The following LDB3 variants were observed in gnomAD, a reference collection of about 807,000 sequenced individuals.
LDB3 encodes LIM domain binding 3, also known as LIM domain-binding protein 3.
Under a neutral mutation model 69.0 loss-of-function variants are expected in LDB3, and 49 were observed. That is an observed-to-expected ratio of 0.71 (90% CI 0.56 to 0.90). The LOEUF (loss-of-function observed/expected upper bound fraction) is 0.90, where lower values mean the gene tolerates loss of function less well. Ranked by LOEUF, LDB3 falls within the 40% of genes least tolerant of loss-of-function variation. The pLI, the probability that LDB3 is intolerant of heterozygous loss-of-function variation, is 0.00. For missense variants in LDB3, 928 were observed against 974.1 expected (o/e 0.95, Z 0.63); for synonymous variants, 387 against 396.2 (o/e 0.98, Z 0.28).
intron 13 of LDB3, among the ~76,000 whole-genome samples, chr10:86,728,810 G>C (rs1847360070): frequency 6.6e-6 from 1 of 151,904 alleles, no homozygotes; most frequent in Non-Finnish European, 1.5e-5. Flanking sequence ...TTGAACTCCT[G>C]ACCTCATGAG....
intron 8 of LDB3, among the ~76,000 whole-genome samples, chr10:86,708,352 G>A (rs553770533): frequency 1.3e-5 from 2 of 152,312 alleles, no homozygotes; most frequent in East Asian, 3.9e-4. Context: ...GCGGGAGGTG[G>A]GGGAGCCCAT....
At chr10:86,694,013 G>T (rs1046789397) in intron 7 of LDB3, among the ~76,000 whole-genome samples, 3 of 152,174 alleles carry the variant, frequency 2.0e-5, no homozygotes, top group African/African-American at 7.2e-5. Flanking sequence ...TGCCTTCCTG[G>T]CTCCCTTCTG....
At chr10:86,713,524 C>T (rs1316112783) in intron 9 of LDB3, among the ~76,000 whole-genome samples, 4 of 152,126 alleles carry the variant, frequency 2.6e-5, no homozygotes, top group Non-Finnish European at 5.9e-5. Context: ...GGATTACAGG[C>T]GTGAGCCACC....
chr10:86,683,938 G>A (rs1354478675), intron 5 of LDB3, among the ~76,000 whole-genome samples: 2 of 152,334 alleles, frequency 1.3e-5, no homozygotes, highest in South Asian at 4.1e-4. Context: ...TAGGAAACAG[G>A]CTGGGACGGG....
chr10:86,710,641 A>G (rs779026819), intron 9 of LDB3, among the ~76,000 whole-genome samples: 2 of 152,242 alleles, frequency 1.3e-5, no homozygotes, highest in Non-Finnish European at 2.9e-5. Flanking sequence ...AGAACAGCAC[A>G]TAAGGAGCCT....
At chr10:86,671,878 C>T (rs767587613) in intron 2 of LDB3, among the ~76,000 whole-genome samples, 4 of 152,124 alleles carry the variant, frequency 2.6e-5, no homozygotes, top group South Asian at 4.1e-4. Context: ...TTTGGGAGGC[C>T]GAGGGGGCAG....
At chr10:86,721,487 A>C (rs1847084776) in intron 12 of LDB3, among the ~76,000 whole-genome samples, 1 of 152,216 alleles carries the variant, frequency 6.6e-6, no homozygotes, top group African/African-American at 2.4e-5. Context: ...CCTGCACCCG[A>C]GCAGTTCCCA....
At chr10:86,676,017 G>T (rs1478530154) in intron 2 of LDB3, among the ~76,000 whole-genome samples, 1 of 152,158 alleles carries the variant, frequency 6.6e-6, no homozygotes, top group Non-Finnish European at 1.5e-5. Context: ...TACACTCAAG[G>T]CAGCAATACA....
chr10:86,714,933 C>A (rs1055930328), intron 9 of LDB3, among the ~76,000 whole-genome samples: 3 of 152,164 alleles, frequency 2.0e-5, no homozygotes, highest in Non-Finnish European at 4.4e-5. Flanking sequence ...CTTCTTCCTT[C>A]AACAACATGG....
chr10:86,716,486 C>CA lies in LDB3; in HGVS notation c.1392dup (p.Pro465ThrfsTer6). On this transcript the variant is annotated frameshift_variant, in exon 10 of 14. Coordinates refer to ENST00000361373, the MANE Select transcript of LDB3 (RefSeq NM_007078.3). LOFTEE classifies it high-confidence loss of function. ...TCCCCAGCACCAGCCTATACCCCCT[C>CA]ACCTGCCCCCAACTATAACCCTGCA... The CA allele has an allele frequency of 6.2e-7, 1 of 1,611,202 alleles. No homozygotes were observed.
chr10:86,728,586 G>GGTTTTTTTTTTGTTTTT (rs1554868913), intron 13 of LDB3, among the ~76,000 whole-genome samples: 1 of 131,456 alleles, frequency 7.6e-6, no homozygotes, highest in Admixed American at 7.8e-5. Context: ...TGGTTCTTTT[G>GGTTTTTTTTTTGTTTTT]TTTTTTTTTT....
At chr10:86,723,797 G>C (rs1847164598) in intron 12 of LDB3, among the ~76,000 whole-genome samples, 1 of 152,196 alleles carries the variant, frequency 6.6e-6, no homozygotes, top group Non-Finnish European at 1.5e-5. Context: ...AAGAGCATTT[G>C]CATGACAAGC....
chr10:86,692,613 C>A, intron 7 of LDB3, 42 bp downstream of exon 7: 3 of 1,577,114 alleles, frequency 1.9e-6, no homozygotes, highest in Non-Finnish European at 2.6e-6. Context: ...GCCCTCTAGC[C>A]CCGTCCCTCC....
Position 86,668,713 on chromosome 10 carries a change from A to T in LDB3, c.22A>T (p.Thr8Ser). The change falls in exon 2 of 14, where the codon ACT becomes TCT. Residue 8 changes from threonine to serine, a missense_variant. By Grantham distance (58) the Thr-to-Ser change is moderately conservative. Coordinates refer to ENST00000361373, the MANE Select transcript of LDB3 (RefSeq NM_007078.3). ...CAGCATGTCTTACAGTGTGACCCTGACTGGGCCCGGGCCCTGGGGCTTCCG... is the reference window on the plus strand; with the variant it reads ...CAGCATGTCTTACAGTGTGACCCTGTCTGGGCCCGGGCCCTGGGGCTTCCG... MSYSVTL[T>S]GPGPWGFRLQ... 1 of 1,613,310 alleles carries T rather than the reference A, an allele frequency of 6.2e-7. No homozygotes were observed. Among genetic ancestry groups the T allele is most frequent in the Non-Finnish European group, 8.5e-7 (1 of 1,179,932 alleles).
At chr10:86,668,402 G>A (rs947822584), upstream of LDB3, 18 of 509,860 alleles carry the variant, frequency 3.5e-5, no homozygotes, top group Admixed American at 5.8e-5. Flanking sequence ...TGTGAGTCAT[G>A]GTGGACCGGC....
At chr10:86,671,691 A>G (rs977123476) in intron 2 of LDB3, among the ~76,000 whole-genome samples, 5 of 152,010 alleles carry the variant, frequency 3.3e-5, no homozygotes, top group African/African-American at 7.2e-5. Context: ...CTGGGGTCTC[A>G]CCTCTTCATG....
chr10:86,678,935 C>T (rs1844951823), intron 2 of LDB3, among the ~76,000 whole-genome samples: 1 of 152,210 alleles, frequency 6.6e-6, no homozygotes, highest in South Asian at 2.1e-4. Context: ...CCACCATGTC[C>T]AACAGCCTCC....
Position 86,732,981 on chromosome 10 carries a change from C to T in LDB3, c.*5C>T. 1 of 1,609,122 alleles carries T rather than the reference C, an allele frequency of 6.2e-7. No homozygotes were observed. Among genetic ancestry groups the T allele is most frequent in the Non-Finnish European group, 8.5e-7 (1 of 1,176,522 alleles). ...GCACACACCATCAACTTGTAGGCGGCCAAGGCCGCCTGTGCTGACGAGGCC... is the reference window on the plus strand; with the variant it reads ...GCACACACCATCAACTTGTAGGCGGTCAAGGCCGCCTGTGCTGACGAGGCC... On this transcript the variant is annotated 3_prime_UTR_variant, in exon 14 of 14. Coordinates refer to ENST00000361373, the MANE Select transcript of LDB3 (RefSeq NM_007078.3).
At chr10:86,674,153 A>C (rs1196101822) in intron 2 of LDB3, among the ~76,000 whole-genome samples, 1 of 152,312 alleles carries the variant, frequency 6.6e-6, no homozygotes, top group East Asian at 1.9e-4. Flanking sequence ...TTCTGGGGGT[A>C]GCAGATGGGG....
Sources: allele counts gnomAD v4.1 joint callset (sites outside exome capture counted in the v4.1 genomes callset), GRCh38; gene constraint gnomAD v4.1.1; transcripts MANE v1.5; gene names NCBI Gene and HGNC (gene_info 2026-07-23, HGNC 2026-07-21).